ABCE1: variants seen among roughly 807,000 people sequenced by gnomAD.
ABCE1 encodes ATP-binding cassette sub-family E member 1.
ABCE1 carries 22 observed loss-of-function variants against 83.4 expected under a neutral mutation model. The ratio of observed to expected loss-of-function variants is 0.26; its 90% CI spans 0.19 to 0.38. The LOEUF (loss-of-function observed/expected upper bound fraction) is 0.38, where lower values mean the gene tolerates loss of function less well. ABCE1 is among the 10% of genes least tolerant of loss of function. ABCE1 has a pLI of 1.00. For missense variants in ABCE1, 330 were observed against 721.9 expected (o/e 0.46, Z 6.22); for synonymous variants, 204 against 233.7 (o/e 0.87, Z 1.16).
In ABCE1 at chr4:145,128,107, A is replaced by G. The variant is rs1579226985; in HGVS notation, c.*534A>G. ...CAGTATATGGTTTCCGAGGAAGATTATCTACTGCAAAACACCACTGTTGGA... is the reference window on the plus strand; with the variant it reads ...CAGTATATGGTTTCCGAGGAAGATTGTCTACTGCAAAACACCACTGTTGGA... On this transcript the variant is annotated 3_prime_UTR_variant, in exon 18 of 18. Coordinates refer to ENST00000296577, the MANE Select transcript of ABCE1 (RefSeq NM_002940.3). 1 of 152,754 alleles carries G rather than the reference A, an allele frequency of 6.5e-6. No individual in the cohort carries two copies. Among genetic ancestry groups the G allele is most frequent in the South Asian group, 2.1e-4 (1 of 4,824 alleles). 9.5% of individuals were successfully genotyped at this position (152,754 alleles called of 1,614,324 possible). A position where few individuals can be genotyped will look rare whatever the true frequency, so the allele number is the denominator to read the frequency against.
intron 13 of ABCE1, 169 bp from the exon 14 acceptor site, chr4:145,122,852 T>G: frequency 1.9e-6 from 1 of 534,032 alleles, no homozygotes; most frequent in Non-Finnish European, 3.3e-6. Context: ...CATGATGGGT[T>G]TTGAATAGAA....
At chr4:145,115,755 G>A (rs1749592169) in intron 9 of ABCE1, among the ~76,000 whole-genome samples, 1 of 151,946 alleles carries the variant, frequency 6.6e-6, no homozygotes, top group East Asian at 1.9e-4. Context: ...GAAAGTTCTG[G>A]ACAGTGCTAT....
intron 2 of ABCE1, among the ~76,000 whole-genome samples, 198 bp downstream of exon 2, chr4:145,104,713 C>A (rs1191574321): frequency 1.3e-5 from 2 of 151,792 alleles, no homozygotes; most frequent in Admixed American, 6.6e-5. Flanking sequence ...TAAAGAAAGA[C>A]CAAATTTTAG....
In ABCE1 at chr4:145,121,362, A is replaced by T; in HGVS notation, c.1234A>T (p.Lys412Ter). The T allele has an allele frequency of 1.2e-6, 2 of 1,613,106 alleles. No individual in the cohort carries two copies. Among genetic ancestry groups the T allele is most frequent in the Non-Finnish European group, 1.7e-6 (2 of 1,179,582 alleles). Residue 412 changes from lysine (K) to a stop codon, truncating the protein, a stop_gained, in exon 13 of 18, where the codon AAG becomes TAG. Coordinates refer to ENST00000296577, the MANE Select transcript of ABCE1 (RefSeq NM_002940.3). LOFTEE classifies it high-confidence loss of function. ...GEVPVLNVSY[K>*]PQKISPKSTG... ...AGTACCAGTTCTAAATGTCAGTTAT[A>T]AGCCACAGAAAATTAGTCCCAAATC...
intron 9 of ABCE1, 81 bp from the exon 10 acceptor site, chr4:145,117,212 G>A (rs1197752514): frequency 1.7e-6 from 2 of 1,208,058 alleles, no homozygotes; most frequent in Non-Finnish European, 2.3e-6. Flanking sequence ...AATTTTATTA[G>A]ATGTATCTCT....
chr4:145,106,811 A>G (rs1227610680), intron 3 of ABCE1, among the ~76,000 whole-genome samples: 1 of 152,172 alleles, frequency 6.6e-6, no homozygotes, highest in Non-Finnish European at 1.5e-5. Flanking sequence ...CCACTGTAAT[A>G]TAGAAAAATA....
Position 145,123,211 on chromosome 4 carries a change from T to C in ABCE1, c.1375-4T>C, listed in dbSNP as rs957535659. 37 of 1,597,480 alleles carry C rather than the reference T, an allele frequency of 2.3e-5. No individual in the cohort carries two copies. Among genetic ancestry groups the C allele is most frequent in the Non-Finnish European group, 3.2e-5 (37 of 1,174,284 alleles). On this transcript the variant is annotated splice_region_variant and splice_polypyrimidine_tract_variant and intron_variant, in intron 14 of 17. Transcript: ENST00000296577. ...TACATGGTTTGCTAAACTCCTCCAA[T>C]TAGGTGCAGACATTATCTGGTGGTG...
At position 145,109,027 on chromosome 4, in the gene ABCE1, G is replaced by A. The variant is rs964390244; in HGVS notation, c.288-105G>A. On this transcript the variant is annotated intron_variant, in intron 4 of 17. Transcript: ENST00000296577. ...GGCATATGTTTCTTAGCTTATTAATGGATGGTTGTGAAGTGCAGGTGCATT... is the reference window on the plus strand; with the variant it reads ...GGCATATGTTTCTTAGCTTATTAATAGATGGTTGTGAAGTGCAGGTGCATT... 27 of 760,006 alleles carry A rather than the reference G, an allele frequency of 3.6e-5. No individual in the cohort carries two copies. In the African/African-American group the frequency reaches 4.7e-4, roughly 13 times the overall value. The allele number at this position is 760,006 out of a possible 1,614,324, so 47.1% of individuals were successfully genotyped here. A position where few individuals can be genotyped will look rare whatever the true frequency, so the allele number is the denominator to read the frequency against.
chr4:145,110,839 C>T (rs1749450971), intron 7 of ABCE1, 129 bp from the exon 8 acceptor site: 1 of 610,420 alleles, frequency 1.6e-6, no homozygotes, highest in Non-Finnish European at 2.9e-6. Context: ...CTGAAAATCT[C>T]CAGTAATTGT....
intron 17 of ABCE1, among the ~76,000 whole-genome samples, chr4:145,126,454 C>T (rs1277773928): frequency 2.0e-5 from 3 of 152,006 alleles, no homozygotes; most frequent in Non-Finnish European, 2.9e-5. Flanking sequence ...CCACCACACC[C>T]GACTAATTTT....
At position 145,112,239 on chromosome 4, in the gene ABCE1, T is replaced by G; in HGVS notation, c.711T>G (p.Ile237Met). Residue 237 changes from isoleucine to methionine, a missense_variant and splice_region_variant, in exon 9 of 18, where the codon ATT becomes ATG. Ile to Met is a conservative substitution (Grantham distance 10). Transcript: ENST00000296577. ...CAVVCIQKAD[I>M]FMFDEPSSYL... ...TGCTTTTTTTTTTTTTTTTTCATAG[T>G]TTCATGTTTGATGAGCCTTCTAGTT... is the stretch of plus-strand genomic sequence containing the variant. 6.5e-7 allele frequency: 1 copy of G among 1,530,958 alleles called. No individual in the cohort carries two copies. The highest frequency in any genetic ancestry group is 8.8e-7 in the Non-Finnish European group (1 of 1,134,798). 94.8% of individuals were successfully genotyped at this position (1,530,958 alleles called of 1,614,324 possible).
In ABCE1 at chr4:145,110,568, C is replaced by T. The variant is rs112502086; in HGVS notation, c.613+124C>T. Reference sequence around the variant, plus strand: ...TCTGCTTACCACAACCTCTGCCTCCCGGGTTCAAGCGATACTCCTGCCTCA... The same window carrying T: ...TCTGCTTACCACAACCTCTGCCTCCTGGGTTCAAGCGATACTCCTGCCTCA... On this transcript the variant is annotated intron_variant, in intron 7 of 17. Transcript: ENST00000296577. 1,990 of 874,236 alleles carry T rather than the reference C, an allele frequency of 2.3e-3. 32 individuals carry two copies. The African/African-American group carries it at 0.027, about 12-fold the overall frequency. 54.2% of individuals were successfully genotyped at this position (874,236 alleles called of 1,614,324 possible).
At chr4:145,116,913 C>T (rs142642727) in intron 9 of ABCE1, among the ~76,000 whole-genome samples, 1 of 151,900 alleles carries the variant, frequency 6.6e-6, no homozygotes, top group African/African-American at 2.4e-5. Context: ...CGTCCATCCC[C>T]TACTACAGCT....
At chr4:145,114,666 A>G (rs563215862) in intron 9 of ABCE1, among the ~76,000 whole-genome samples, 2 of 150,420 alleles carry the variant, frequency 1.3e-5, no homozygotes, top group African/African-American at 2.4e-5. Flanking sequence ...GACCTCGGGG[A>G]AAAAAAAACT....
At chr4:145,108,826 T>C (rs978246593) in intron 4 of ABCE1, among the ~76,000 whole-genome samples, 2 of 152,182 alleles carry the variant, frequency 1.3e-5, no homozygotes, top group African/African-American at 4.8e-5. Flanking sequence ...CTGGGCCTTA[T>C]ATGTAAAGAA....
chr4:145,108,717 TCTCTC>T (rs1424570781), intron 4 of ABCE1, among the ~76,000 whole-genome samples: 1 of 152,182 alleles, frequency 6.6e-6, no homozygotes, highest in Non-Finnish European at 1.5e-5. Context: ...ATGTGGCACT[TCTCTC>T]CTTGTAAGTA....
intron 3 of ABCE1, among the ~76,000 whole-genome samples, chr4:145,106,961 T>G (rs1453982344): frequency 6.6e-6 from 1 of 152,180 alleles, no homozygotes; most frequent in African/African-American, 2.4e-5. Flanking sequence ...ATTGGTCCCC[T>G]AAGCTCATTG....
chr4:145,114,602 CAG>C (rs1749563544), intron 9 of ABCE1, among the ~76,000 whole-genome samples: 1 of 151,726 alleles, frequency 6.6e-6, no homozygotes, highest in African/African-American at 2.4e-5. Flanking sequence ...ATTAAAAGAT[CAG>C]TAACTATTTT....
chr4:145,119,346 C>G (rs1013175323), intron 10 of ABCE1, among the ~76,000 whole-genome samples: 1 of 151,734 alleles, frequency 6.6e-6, no homozygotes, highest in African/African-American at 2.4e-5. Flanking sequence ...TTCTTGTATA[C>G]AATGTGGATT....
Sources: allele counts gnomAD v4.1 joint callset (sites outside exome capture counted in the v4.1 genomes callset), GRCh38; gene constraint gnomAD v4.1.1; transcripts MANE v1.5; gene names NCBI Gene and HGNC (gene_info 2026-07-23, HGNC 2026-07-21).